FUT9: variants seen among roughly 807,000 people sequenced by gnomAD.
The protein encoded by FUT9 is 4-galactosyl-N-acetylglucosaminide 3-alpha-L-fucosyltransferase 9.
A neutral mutation model predicts 29.7 loss-of-function variants in FUT9; 15 were observed. The observed-to-expected ratio is 0.51, with a 90% CI of 0.34 to 0.78. The LOEUF is 0.78. Among genes scored for constraint, FUT9 ranks in the 30% least tolerant of loss-of-function variants. The probability of loss-of-function intolerance (pLI) is 0.01; values close to 1 mark genes in which losing one functional copy is unlikely to be tolerated. For missense variants in FUT9, 319 were observed against 425.4 expected (o/e 0.75, Z 2.20); for synonymous variants, 169 against 153.7 (o/e 1.10, Z -0.74).
intron 2 of FUT9, among the ~76,000 whole-genome samples, chr6:96,134,299 T>G (rs1045513876): frequency 4.0e-5 from 6 of 151,860 alleles, no homozygotes; most frequent in Non-Finnish European, 5.9e-5. Flanking sequence ...ATACATAATT[T>G]TATAACTTCC....
chr6:96,189,057 G>C (rs1484483838), intron 2 of FUT9, among the ~76,000 whole-genome samples: 1 of 152,120 alleles, frequency 6.6e-6, no homozygotes, highest in African/African-American at 2.4e-5. Context: ...ACTATAAAAT[G>C]TGTACTTGGG....
At chr6:96,066,270 G>A (rs141615920) in intron 1 of FUT9, among the ~76,000 whole-genome samples, 61 of 151,608 alleles carry the variant, frequency 4.0e-4, no homozygotes, top group African/African-American at 1.4e-3. Context: ...GATTTAGTAT[G>A]GTTCACATTA....
intron 2 of FUT9, among the ~76,000 whole-genome samples, chr6:96,166,122 GCA>G (rs1773012160): frequency 6.6e-6 from 1 of 150,792 alleles, no homozygotes; most frequent in African/African-American, 2.4e-5. Context: ...GAGAGAGAGA[GCA>G]CACACACAAT....
At chr6:96,170,842 T>C (rs1582282826) in intron 2 of FUT9, among the ~76,000 whole-genome samples, 1 of 152,230 alleles carries the variant, frequency 6.6e-6, no homozygotes, top group East Asian at 1.9e-4. Flanking sequence ...AAAATTCCAG[T>C]GATAAAACAA....
At chr6:96,106,429 TA>T (rs997798801) in intron 1 of FUT9, among the ~76,000 whole-genome samples, 2 of 152,072 alleles carry the variant, frequency 1.3e-5, no homozygotes, top group Non-Finnish European at 2.9e-5. Context: ...GACAAAAAAT[TA>T]ATAAAGGGGT....
At chr6:96,104,328 A>G (rs1771639345) in intron 1 of FUT9, among the ~76,000 whole-genome samples, 2 of 152,204 alleles carry the variant, frequency 1.3e-5, no homozygotes, top group African/African-American at 2.4e-5. Flanking sequence ...TTTCACTTTT[A>G]GAGTAAATAT....
At chr6:96,043,720 C>A (rs985500077) in intron 1 of FUT9, among the ~76,000 whole-genome samples, 1 of 152,182 alleles carries the variant, frequency 6.6e-6, no homozygotes, top group African/African-American at 2.4e-5. Flanking sequence ...GGAAAGAATG[C>A]TCCCACAGGG....
chr6:96,192,100 T>C (rs1487491993), intron 2 of FUT9, among the ~76,000 whole-genome samples: 1 of 152,168 alleles, frequency 6.6e-6, no homozygotes, highest in African/African-American at 2.4e-5. Flanking sequence ...AACATCACAC[T>C]GAATGGGCAA....
chr6:96,017,419 C>T (rs377049300), intron 1 of FUT9, among the ~76,000 whole-genome samples: 1 of 151,750 alleles, frequency 6.6e-6, no homozygotes, highest in Admixed American at 6.6e-5. Flanking sequence ...AGTTGGAGTG[C>T]GAGAAAATAA....
chr6:96,149,248 T>G (rs2127976108), intron 2 of FUT9, among the ~76,000 whole-genome samples: 1 of 152,252 alleles, frequency 6.6e-6, no homozygotes, highest in Non-Finnish European at 1.5e-5. Flanking sequence ...TTTGTTGAAT[T>G]AAATTTAATT....
intron 2 of FUT9, among the ~76,000 whole-genome samples, chr6:96,133,742 A>G (rs1772294592): frequency 6.6e-6 from 1 of 151,968 alleles, no homozygotes; most frequent in South Asian, 2.1e-4. Context: ...AGACTAACCT[A>G]AAGTGTTTTT....
intron 2 of FUT9, among the ~76,000 whole-genome samples, chr6:96,136,916 A>T (rs1772358626): frequency 6.6e-6 from 1 of 152,164 alleles, no homozygotes; most frequent in South Asian, 2.1e-4. Flanking sequence ...ATGACTTATG[A>T]ATCAGACTTG....
At chr6:96,100,757 C>G (rs11156191) in intron 1 of FUT9, among the ~76,000 whole-genome samples, 1 of 151,974 alleles carries the variant, frequency 6.6e-6, no homozygotes. Context: ...AACAGTTTGA[C>G]CTTTGGAATG....
chr6:96,105,442 A>G (rs1771660110), intron 1 of FUT9, among the ~76,000 whole-genome samples: 1 of 152,232 alleles, frequency 6.6e-6, no homozygotes, highest in South Asian at 2.1e-4. Context: ...CCTTTAAAAT[A>G]AAAATCATAT....
At chr6:96,111,391 C>T (rs1771803581) in intron 1 of FUT9, among the ~76,000 whole-genome samples, 1 of 151,616 alleles carries the variant, frequency 6.6e-6, no homozygotes, top group Admixed American at 6.6e-5. Context: ...GATTTTCTCC[C>T]TATACATAAT....
At chr6:96,130,555 C>T (rs938756138) in intron 2 of FUT9, among the ~76,000 whole-genome samples, 1 of 152,152 alleles carries the variant, frequency 6.6e-6, no homozygotes, top group Non-Finnish European at 1.5e-5. Context: ...TGTAGATTAA[C>T]TGCAATTCAT....
rs1196916808 is a variant in FUT9 at position 96,214,229 on chromosome 6, A to G, written c.*9994A>G. ...ATAGTACAAAGCATGAAGATGTGAA[A>G]ATATCATCTTAACCAGTTTCATTCT... On this transcript the variant is annotated 3_prime_UTR_variant, in exon 3 of 3. Transcript: ENST00000302103. 6.0e-6 allele frequency: 1 copy of G among 166,856 alleles called. No homozygotes were observed. The highest frequency in any genetic ancestry group is 1.5e-5 in the Non-Finnish European group (1 of 68,054). 10.3% of individuals were successfully genotyped at this position (166,856 alleles called of 1,614,324 possible).
intron 2 of FUT9, among the ~76,000 whole-genome samples, chr6:96,192,097 C>T (rs7747488): frequency 0.91 from 139,151 of 152,092 alleles, 64,938 homozygotes; most frequent in Non-Finnish European, 1. Flanking sequence ...GCCAACATCA[C>T]ACTGAATGGG....
At chr6:96,198,561 A>G (rs2127990384) in intron 2 of FUT9, among the ~76,000 whole-genome samples, 1 of 152,222 alleles carries the variant, frequency 6.6e-6, no homozygotes, top group East Asian at 1.9e-4. Context: ...TATTGCGAAT[A>G]ATGCCGCAAT....
Sources: allele counts gnomAD v4.1 joint callset (sites outside exome capture counted in the v4.1 genomes callset), GRCh38; gene constraint gnomAD v4.1.1; transcripts MANE v1.5; gene names NCBI Gene and HGNC (gene_info 2026-07-23, HGNC 2026-07-21).